Variants in ZFHX3 observed in about 807,000 individuals in gnomAD.
ZFHX3 encodes zinc finger homeobox protein 3.
Under a neutral mutation model 279.1 loss-of-function variants are expected in ZFHX3, and 42 were observed. That is an observed-to-expected ratio of 0.15 (90% CI 0.12 to 0.19). The LOEUF is 0.19. Among genes scored for constraint, ZFHX3 ranks in the 10% least tolerant of loss-of-function variants. The pLI is 1.00. For synonymous variants in ZFHX3, 2,293 were observed against 1,957.8 expected (o/e 1.17, Z -4.52); for missense variants, 4,981 against 4,754.0 (o/e 1.05, Z -1.40).
At chr16:73,293,498 A>C (rs1472934347) in intron 4 of ZFHX3, among the ~76,000 whole-genome samples, 1 of 152,224 alleles carries the variant, frequency 6.6e-6, no homozygotes, top group Non-Finnish European at 1.5e-5. Context: ...TAGTTTAATT[A>C]ACTATCTTCT....
intron 2 of ZFHX3, chr16:73,505,061 G>A: frequency 6.6e-6 from 1 of 152,134 alleles, no homozygotes; most frequent in East Asian, 1.9e-4. Flanking sequence ...AGCTTTCTAT[G>A]ATTTGGGGCA....
rs553373119 is a variant in ZFHX3, at chr16:73,332,168, C to T, written c.-1290-13832G>A. Among the ~76,000 whole-genome samples the T allele has an allele frequency of 3.3e-5, 5 of 152,154 alleles. No individual in the cohort carries two copies. The South Asian group carries it at 8.3e-4, about 25-fold the overall frequency. On this transcript the variant is annotated intron_variant, in intron 3 of 17. Transcript: ENST00000641206. The stretch of plus-strand genomic sequence containing the variant: ...ATTTCCAGTATCCTGAAAAAGTTGA[C>T]TACATAATAAAACCAGATGATGATA...
intron 5 of ZFHX3, among the ~76,000 whole-genome samples, chr16:73,166,690 C>T (rs1325462524): frequency 6.6e-6 from 1 of 152,178 alleles, no homozygotes; most frequent in Non-Finnish European, 1.5e-5. Context: ...CTCCTTCAAA[C>T]ATTTGAAAAG....
intron 5 of ZFHX3, among the ~76,000 whole-genome samples, chr16:73,250,565 G>A (rs540008831): frequency 1.1e-4 from 16 of 151,836 alleles, no homozygotes; most frequent in South Asian, 4.2e-4. Context: ...ACGGAATCTC[G>A]CTCTGTCACC....
At chr16:73,716,829 T>TCAC (rs2053420938) in intron 1 of ZFHX3, among the ~76,000 whole-genome samples, 1 of 152,052 alleles carries the variant, frequency 6.6e-6, no homozygotes, top group Non-Finnish European at 1.5e-5. Context: ...CAGAGATGCC[T>TCAC]CACCGTCCCT....
intron 5 of ZFHX3, among the ~76,000 whole-genome samples, chr16:73,222,213 T>C (rs7501003): frequency 0.06 from 9,118 of 152,102 alleles, 826 homozygotes; most frequent in African/African-American, 0.2. Flanking sequence ...TACATTAAGA[T>C]AGACAATGCA....
chr16:72,804,478 C>G (rs1249605924), intron 7 of ZFHX3, among the ~76,000 whole-genome samples: 1 of 152,160 alleles, frequency 6.6e-6, no homozygotes, highest in Non-Finnish European at 1.5e-5. Flanking sequence ...TACAAGCTCC[C>G]CAGAAGGAAA....
chr16:73,030,054 C>G (rs994308100), intron 1 of ZFHX3, among the ~76,000 whole-genome samples: 8 of 152,116 alleles, frequency 5.3e-5, no homozygotes, highest in African/African-American at 1.9e-4. Flanking sequence ...ACATCTAATC[C>G]AAACACCCAT....
chr16:73,751,517 ATATGTGTT>A (rs66530445), intron 1 of ZFHX3, among the ~76,000 whole-genome samples: 27,653 of 151,144 alleles, frequency 0.18, 3,194 homozygotes, highest in East Asian at 0.56. Flanking sequence ...TTATATGTGT[ATATGTGTT>A]TATGTGTGTG....
At chr16:73,260,985 A>G (rs1333280099) in intron 4 of ZFHX3, among the ~76,000 whole-genome samples, 1 of 152,090 alleles carries the variant, frequency 6.6e-6, no homozygotes, top group Non-Finnish European at 1.5e-5. Flanking sequence ...CGCCCAGCCT[A>G]TGCACCTAAC....
At chr16:72,842,544 G>A (rs2037370465) in intron 4 of ZFHX3, among the ~76,000 whole-genome samples, 1 of 152,204 alleles carries the variant, frequency 6.6e-6, no homozygotes, top group East Asian at 1.9e-4. Context: ...TCAAAGGGCA[G>A]TGCAACACTG....
intron 2 of ZFHX3, chr16:73,486,735 C>T (rs1180487593): frequency 2.2e-6 from 1 of 452,422 alleles, no homozygotes; most frequent in East Asian, 7.0e-5. Flanking sequence ...CTCTCTTGCT[C>T]ATTTTTTTTT....
At chr16:72,886,439 C>T (rs540376137) in intron 4 of ZFHX3, among the ~76,000 whole-genome samples, 1 of 152,284 alleles carries the variant, frequency 6.6e-6, no homozygotes, top group South Asian at 2.1e-4. Context: ...CTCGAAGGCA[C>T]TGGTGCCGGG....
At chr16:73,766,545 A>T (rs2053945945) in intron 1 of ZFHX3, among the ~76,000 whole-genome samples, 1 of 152,234 alleles carries the variant, frequency 6.6e-6, no homozygotes. Flanking sequence ...CCTAGCAAGT[A>T]TCAATGGGAA....
intron 1 of ZFHX3, among the ~76,000 whole-genome samples, chr16:72,990,622 G>A (rs968922435): frequency 2.5e-4 from 38 of 152,120 alleles, no homozygotes; most frequent in Admixed American, 1.9e-3. Flanking sequence ...CACTTTAAAC[G>A]ATTTTTGTCT....
chr16:73,329,095 A>G (rs2015748872), intron 3 of ZFHX3, among the ~76,000 whole-genome samples: 1 of 152,232 alleles, frequency 6.6e-6, no homozygotes, highest in East Asian at 1.9e-4. Context: ...CCTCATTGGT[A>G]GTTTGCAAGC....
chr16:73,735,593 C>A (rs1016339427), intron 1 of ZFHX3, among the ~76,000 whole-genome samples: 2 of 152,106 alleles, frequency 1.3e-5, no homozygotes, highest in Non-Finnish European at 2.9e-5. Context: ...AATGTATATG[C>A]GATCACTGTA....
chr16:73,082,626 G>A (rs1220395888), intron 8 of ZFHX3, among the ~76,000 whole-genome samples: 1 of 151,916 alleles, frequency 6.6e-6, no homozygotes, highest in East Asian at 1.9e-4. Context: ...TTTTGTATAA[G>A]ATGAAAGCAG....
rs1567451231 is a variant in ZFHX3 at position 73,325,925 on chromosome 16, AC to A, written c.-1290-7590del. On this transcript the variant is annotated intron_variant, in intron 3 of 17. Transcript: ENST00000641206. ...CAAACACACACACACACACACACAC[AC>A]AAACACACACACACACACACACACA... Among the ~76,000 whole-genome samples the A allele has an allele frequency of 4.4e-4, 61 of 137,664 alleles. 1 individual carries two copies. The highest frequency in any genetic ancestry group is 3.3e-3 in the South Asian group (13 of 3,984). The allele number at this position is 137,664 out of a possible 152,430, so 90.3% of individuals were successfully genotyped here. A position where few individuals can be genotyped will look rare whatever the true frequency, so the allele number is the denominator to read the frequency against.
Sources: allele counts gnomAD v4.1 joint callset (sites outside exome capture counted in the v4.1 genomes callset), GRCh38; gene constraint gnomAD v4.1.1; transcripts MANE v1.5; gene names NCBI Gene and HGNC (gene_info 2026-07-23, HGNC 2026-07-21).